The following TMPRSS11A variants were observed in gnomAD, a reference collection of about 807,000 sequenced individuals.
TMPRSS11A encodes the protein transmembrane protease serine 11A.
TMPRSS11A carries 53 observed loss-of-function variants against 58.9 expected under a neutral mutation model. That is an observed-to-expected ratio of 0.90 (90% CI 0.72 to 1.13). TMPRSS11A has a LOEUF of 1.13. Among genes scored for constraint, TMPRSS11A ranks in the 50% most tolerant of loss-of-function variants. The pLI is 0.00. For missense variants in TMPRSS11A, 493 were observed against 499.3 expected, an observed-to-expected ratio of 0.99 and a Z score of 0.12; for synonymous variants, 167 against 169.8, an observed-to-expected ratio of 0.98 and a Z score of 0.13.
At position 67,911,383 on chromosome 4, in the gene TMPRSS11A, T is replaced by C; in HGVS notation, c.1216A>G (p.Thr406Ala). The C allele has an allele frequency of 1.2e-6, 2 of 1,613,426 alleles. No individual in the cohort carries two copies. The highest frequency in any genetic ancestry group is 1.7e-6 in the Non-Finnish European group (2 of 1,179,574). ...KDKPGVYTQV[T>A]YYRNWIASKT... ...GAAGCAATCCAGTTTCGGTAATAAG[T>C]CACTTGTGTGTAGACTCCAGGCTTG... is the stretch of plus-strand genomic sequence containing the variant. The change falls in exon 10 of 10, where the codon ACT (threonine) becomes GCT (alanine). Residue 406 changes from threonine to alanine, a missense_variant. Transcript: ENST00000508048.
In TMPRSS11A at chr4:67,929,882, T is replaced by C. The variant is rs1232436137; in HGVS notation, c.479A>G (p.Asn160Ser). Residue 160 changes from asparagine (N) to serine (S), a missense_variant and splice_region_variant, in exon 5 of 10, where the codon AAT (asparagine) becomes AGT (serine). Coordinates refer to ENST00000508048, the MANE Select transcript of TMPRSS11A (RefSeq NM_001114387.2). ...LPINASSVQV[N>S]AMSSSTGELT... ...CACATAGAAGGGGACCTCCTTACCATTAACTTGAACTGATGAGGCATTTAT... is the reference window on the plus strand; with the variant it reads ...CACATAGAAGGGGACCTCCTTACCACTAACTTGAACTGATGAGGCATTTAT... The C allele has an allele frequency of 1.2e-6, 2 of 1,607,186 alleles. No homozygotes were observed. The highest frequency in any genetic ancestry group is 1.7e-5 in the Admixed American group (1 of 59,808).
intron 3 of TMPRSS11A, among the ~76,000 whole-genome samples, chr4:67,935,032 G>A (rs57346291): frequency 0.021 from 3,142 of 152,234 alleles, 65 homozygotes; most frequent in East Asian, 0.12. Context: ...AAAAACTTTA[G>A]ATCCTATTGC....
chr4:67,927,603 G>T (rs1463283839), intron 5 of TMPRSS11A, among the ~76,000 whole-genome samples: 1 of 152,212 alleles, frequency 6.6e-6, no homozygotes, highest in Non-Finnish European at 1.5e-5. Context: ...CAGTCTGCCA[G>T]GTCAAGTGGG....
chr4:67,931,765 G>A (rs1160841282), intron 4 of TMPRSS11A, among the ~76,000 whole-genome samples: 2 of 152,160 alleles, frequency 1.3e-5, no homozygotes, highest in Non-Finnish European at 2.9e-5. Context: ...TTGGGAAACT[G>A]TCAGTTGGTG....
intron 3 of TMPRSS11A, among the ~76,000 whole-genome samples, chr4:67,933,546 G>T (rs1720680095): frequency 6.6e-6 from 1 of 152,168 alleles, no homozygotes; most frequent in South Asian, 2.1e-4. Flanking sequence ...TAAGATCAAA[G>T]ATAGCATTTG....
chr4:67,936,405 C>T (rs969661514), intron 3 of TMPRSS11A, among the ~76,000 whole-genome samples: 6 of 148,854 alleles, frequency 4.0e-5, no homozygotes, highest in African/African-American at 1.2e-4. Context: ...GCTTAGTCAA[C>T]CTGAGCACTG....
At position 67,910,637 on chromosome 4, in the gene TMPRSS11A, C is replaced by A. The variant is rs892971372; in HGVS notation, c.*705G>T. 3 of 151,820 alleles carry A rather than the reference C, an allele frequency of 2.0e-5. 1 individual carries two copies. Among genetic ancestry groups the A allele is most frequent in the East Asian group, 1.9e-4 (1 of 5,186 alleles). The allele number at this position is 151,820 out of a possible 1,614,324, so 9.4% of individuals were successfully genotyped here. A position where few individuals can be genotyped will look rare whatever the true frequency, so the allele number is the denominator to read the frequency against. Reference sequence around the variant, plus strand: ...TTGATTAACTAATCACTCTATCTATCTATATATAATTCATTAATCGGGATT... The same window carrying A: ...TTGATTAACTAATCACTCTATCTATATATATATAATTCATTAATCGGGATT... On this transcript the variant is annotated 3_prime_UTR_variant, in exon 10 of 10. Coordinates refer to ENST00000508048, the MANE Select transcript of TMPRSS11A (RefSeq NM_001114387.2).
chr4:67,938,426 CA>C (rs1247312047), intron 3 of TMPRSS11A, among the ~76,000 whole-genome samples: 7 of 152,118 alleles, frequency 4.6e-5, no homozygotes, highest in African/African-American at 1.7e-4. Flanking sequence ...TCCAACTTAT[CA>C]ATTTTTGTTT....
intron 1 of TMPRSS11A, among the ~76,000 whole-genome samples, chr4:67,946,974 C>A (rs114968842): frequency 0.029 from 4,463 of 151,998 alleles, 101 homozygotes; most frequent in Middle Eastern, 0.099. Context: ...TATCTTTTGT[C>A]TTTTATTTTT....
At chr4:67,927,499 C>A (rs1720504389) in intron 5 of TMPRSS11A, among the ~76,000 whole-genome samples, 1 of 152,228 alleles carries the variant, frequency 6.6e-6, no homozygotes, top group Admixed American at 6.5e-5. Flanking sequence ...TGGGCAGTGG[C>A]CAGACCCTGT....
chr4:67,945,123 C>A (rs781157199), intron 2 of TMPRSS11A, among the ~76,000 whole-genome samples: 4 of 151,940 alleles, frequency 2.6e-5, no homozygotes, highest in Non-Finnish European at 5.9e-5. Flanking sequence ...AACAAGAGAG[C>A]CAGGCACACT....
intron 8 of TMPRSS11A, among the ~76,000 whole-genome samples, chr4:67,917,936 A>G (rs1045310528): frequency 5.9e-5 from 9 of 152,208 alleles, no homozygotes; most frequent in African/African-American, 1.7e-4. Flanking sequence ...GTGATTGGTA[A>G]TACAACCTTA....
At chr4:67,963,115 T>C (rs1449479501) in intron 1 of TMPRSS11A, among the ~76,000 whole-genome samples, 1 of 152,254 alleles carries the variant, frequency 6.6e-6, no homozygotes, top group Admixed American at 6.5e-5. Context: ...CACAATGTAA[T>C]ATAGTTTTTC....
chr4:67,946,455 A>G lies in TMPRSS11A; in HGVS notation c.128T>C (p.Val43Ala), dbSNP rs1333711843. 6.2e-7 allele frequency: 1 copy of G among 1,600,248 alleles called. No homozygotes were observed. The change falls in exon 2 of 10, where the codon GTA (valine) becomes GCA (alanine). Residue 43 changes from valine to alanine, a missense_variant. Val to Ala is a moderately conservative substitution (Grantham distance 64). Coordinates refer to ENST00000508048, the MANE Select transcript of TMPRSS11A (RefSeq NM_001114387.2). Reference protein sequence around the residue: ...VTIGLLVHFLVFDQKKEYYHG... With the variant: ...VTIGLLVHFLAFDQKKEYYHG... ...AAATCTTTAATTTTACCTACCAAAT[A>G]CTAGGAAGTGAACCAGGAGACCTAT... is the stretch of plus-strand genomic sequence containing the variant.
intron 5 of TMPRSS11A, among the ~76,000 whole-genome samples, chr4:67,925,632 T>C (rs1720447407): frequency 6.6e-6 from 1 of 152,202 alleles, no homozygotes; most frequent in Admixed American, 6.5e-5. Flanking sequence ...GACCATCGAT[T>C]GCTGTTAGTG....
chr4:67,935,222 GTCC>G (rs1299832813), intron 3 of TMPRSS11A, among the ~76,000 whole-genome samples: 1 of 152,070 alleles, frequency 6.6e-6, no homozygotes, highest in Non-Finnish European at 1.5e-5. Flanking sequence ...GACATTCAAG[GTCC>G]TCTCCCTCTG....
At chr4:67,937,632 C>T (rs1220300651) in intron 3 of TMPRSS11A, among the ~76,000 whole-genome samples, 1 of 152,138 alleles carries the variant, frequency 6.6e-6, no homozygotes, top group African/African-American at 2.4e-5. Context: ...ACCTTAATTT[C>T]AGAAGCTTGG....
At chr4:67,944,415 A>G (rs1720951571) in intron 3 of TMPRSS11A, 104 bp downstream of exon 3, 10 of 1,329,106 alleles carry the variant, frequency 7.5e-6, no homozygotes, top group Middle Eastern at 1.9e-4. Flanking sequence ...AGATGATTCT[A>G]ATGTTGGCGG....
intron 5 of TMPRSS11A, among the ~76,000 whole-genome samples, chr4:67,928,443 A>G (rs551215911): frequency 5.4e-4 from 83 of 152,342 alleles, no homozygotes; most frequent in African/African-American, 1.9e-3. Flanking sequence ...TGAGCCTACA[A>G]AAAACAAAAA....
Sources: gnomAD v4.1 joint callset for allele counts (sites outside exome capture counted in the v4.1 genomes callset) on GRCh38, gnomAD v4.1.1 for gene constraint, MANE v1.5 for transcripts, NCBI Gene and HGNC (gene_info 2026-07-23, HGNC 2026-07-21) for gene names.